The following SHROOM4 variants were observed in gnomAD, a reference collection of about 807,000 sequenced individuals.
SHROOM4 encodes the protein shroom family member 4, also known as protein Shroom4.
In SHROOM4, 17 loss-of-function variants were observed where a neutral mutation model predicts 80.3. The observed-to-expected ratio is 0.21, with a 90% CI of 0.14 to 0.32. The LOEUF is 0.32. Ranked by LOEUF, SHROOM4 falls within the 10% of genes least tolerant of loss-of-function variation. The pLI is 1.00. For missense variants in SHROOM4, 993 were observed against 1,140.3 expected (o/e 0.87, Z 1.86); for synonymous variants, 400 against 437.5 (o/e 0.91, Z 1.07).
chrX:50,766,842 A>T (rs971652034), intron 1 of SHROOM4, among the ~76,000 whole-genome samples: 27 of 112,111 alleles, frequency 2.4e-4, no homozygotes, highest in Admixed American at 2.0e-3. Context: ...TGACTATCCA[A>T]AATATAGAGA....
chrX:50,798,131 G>C (rs1327039630), intron 1 of SHROOM4, among the ~76,000 whole-genome samples: 1 of 110,746 alleles, frequency 9.0e-6, no homozygotes, highest in Non-Finnish European at 1.9e-5. Flanking sequence ...TAGGGGCCGA[G>C]AGGGTCAAGT....
In SHROOM4 at chrX:50,813,917, C is replaced by G; in HGVS notation, c.102G>C (p.Pro34=). Residue 34 remains proline, a synonymous_variant, in exon 1 of 9, where the codon CCG becomes CCC. Coordinates refer to ENST00000376020, the MANE Select transcript of SHROOM4 (RefSeq NM_020717.5). ...CAGTTCTTACCTTAGACACTGTGAG[C>G]GGCTCACAGTGTTCCAGACCCCCCT... ...TLKGGLEHCE[P]LTVSKIEDGG... 1 of 1,196,419 alleles carries G rather than the reference C, an allele frequency of 8.4e-7. No homozygotes were observed. Among genetic ancestry groups the G allele is most frequent in the Non-Finnish European group, 1.1e-6 (1 of 883,075 alleles).
At chrX:50,743,262 A>T (rs975466825) in intron 1 of SHROOM4, among the ~76,000 whole-genome samples, 3 of 109,808 alleles carry the variant, frequency 2.7e-5, no homozygotes, top group Non-Finnish European at 5.7e-5. Context: ...ATGGTATTAG[A>T]ATCCAAGTTC....
intron 2 of SHROOM4, among the ~76,000 whole-genome samples, chrX:50,646,522 G>T (rs1168534629): frequency 1.1e-5 from 1 of 94,738 alleles, no homozygotes; most frequent in Non-Finnish European, 2.1e-5. Context: ...AACCAAGGGG[G>T]GAAGAGTGTG....
At chrX:50,749,671 C>T (rs1486439213) in intron 1 of SHROOM4, among the ~76,000 whole-genome samples, 11 of 111,462 alleles carry the variant, frequency 9.9e-5, no homozygotes, top group Admixed American at 3.8e-4. Context: ...GCAAAGGGTA[C>T]AACATGTGCA....
intron 1 of SHROOM4, among the ~76,000 whole-genome samples, chrX:50,793,708 T>A (rs1935900785): frequency 9.3e-6 from 1 of 107,818 alleles, no homozygotes; most frequent in Non-Finnish European, 1.9e-5. Flanking sequence ...CAGTAACTAG[T>A]ATCACCCTTC....
In SHROOM4 at chrX:50,634,216, T is replaced by C. The variant is rs782777493; in HGVS notation, c.1857A>G (p.Pro619=). 13 of 1,209,883 alleles carry C rather than the reference T, an allele frequency of 1.1e-5. No individual in the cohort carries two copies. The Admixed American group carries it at 2.6e-4, about 24-fold the overall frequency. ...PLSQLCDTKE[P]VEETQEPPES... ...CTGGGGGCTCCTGGGTCTCTTCCACTGGCTCCTTAGTGTCACACAGCTGTG... is the reference window on the plus strand; with the variant it reads ...CTGGGGGCTCCTGGGTCTCTTCCACCGGCTCCTTAGTGTCACACAGCTGTG... The change falls in exon 4 of 9, where the codon CCA becomes CCG. Residue 619 remains proline, a synonymous_variant. Transcript: ENST00000376020.
At chrX:50,651,565 G>A (rs1557258783) in intron 2 of SHROOM4, among the ~76,000 whole-genome samples, 1 of 111,660 alleles carries the variant, frequency 9.0e-6, no homozygotes, top group African/African-American at 3.3e-5. Flanking sequence ...CTCTGGGGGT[G>A]GGGCCCAGCA....
At chrX:50,812,581 C>T (rs1557273544) in intron 1 of SHROOM4, among the ~76,000 whole-genome samples, 2 of 110,875 alleles carry the variant, frequency 1.8e-5, no homozygotes, top group African/African-American at 6.6e-5. Context: ...CATGGCAACA[C>T]TCCAGGGTTG....
chrX:50,799,530 C>A (rs974073471), intron 1 of SHROOM4, among the ~76,000 whole-genome samples: 2 of 111,434 alleles, frequency 1.8e-5, no homozygotes, highest in South Asian at 7.7e-4. Context: ...TTTGGCCCTT[C>A]TCAGCATTCT....
At chrX:50,635,948 C>T (rs1337158827) in intron 3 of SHROOM4, among the ~76,000 whole-genome samples, 2 of 111,044 alleles carry the variant, frequency 1.8e-5, no homozygotes, top group East Asian at 5.7e-4. Flanking sequence ...ATTTCCCTGA[C>T]ATTAGCAAGT....
chrX:50,669,471 AT>A (rs200223588), intron 2 of SHROOM4, among the ~76,000 whole-genome samples: 6 of 106,957 alleles, frequency 5.6e-5, no homozygotes, highest in African/African-American at 1.0e-4. Context: ...ACCCAACTAA[AT>A]TTTTTTTTTG....
At chrX:50,639,197 G>T (rs1216803124) in intron 2 of SHROOM4, among the ~76,000 whole-genome samples, 1 of 112,173 alleles carries the variant, frequency 8.9e-6, no homozygotes, top group Admixed American at 9.4e-5. Context: ...CCACCCTTGC[G>T]AGTGGGGAAG....
chrX:50,635,441 G>A lies in SHROOM4; in HGVS notation c.632C>T (p.Pro211Leu). The A allele has an allele frequency of 1.7e-6, 2 of 1,207,339 alleles. No homozygotes were observed. Among genetic ancestry groups the A allele is most frequent in the Non-Finnish European group, 2.2e-6 (2 of 893,244 alleles). ...DCALSLRPEE[P>L]ASTDCIMQGP... ...TTGCATGATGCAGTCTGTAGAGGCT[G>A]GCTCCTCTGGCCTGAGGGAAAGGGC... is the stretch of plus-strand genomic sequence containing the variant. The change falls in exon 4 of 9, where the codon CCA (proline) becomes CTA (leucine). Residue 211 changes from proline (P) to leucine (L), a missense_variant. Transcript: ENST00000376020.
At chrX:50,734,155 A>T (rs1934428300) in intron 1 of SHROOM4, among the ~76,000 whole-genome samples, 4 of 112,149 alleles carry the variant, frequency 3.6e-5, no homozygotes, top group Non-Finnish European at 7.5e-5. Context: ...CTACATTCAT[A>T]AATTCAAAGA....
intron 1 of SHROOM4, among the ~76,000 whole-genome samples, chrX:50,749,268 T>C (rs1411415058): frequency 9.0e-6 from 1 of 111,693 alleles, no homozygotes; most frequent in African/African-American, 3.3e-5. Context: ...TTATAAAATA[T>C]GATACCAAAT....
At chrX:50,673,123 T>C (rs138723396) in intron 2 of SHROOM4, among the ~76,000 whole-genome samples, 2,576 of 111,862 alleles carry the variant, frequency 0.023, 82 homozygotes, top group African/African-American at 0.078. Context: ...AAAATATGTA[T>C]GTATGTATAT....
In SHROOM4 at chrX:50,598,248, C is replaced by G. The variant is rs1929214231; in HGVS notation, c.4212+18G>C. ...ATGGTATTTCCCTCTACCCACACCC[C>G]ACAGACCCCAACTCTACCTTCTCCT... On this transcript the variant is annotated intron_variant, in intron 8 of 8. Coordinates refer to ENST00000376020, the MANE Select transcript of SHROOM4 (RefSeq NM_020717.5). The G allele has an allele frequency of 8.3e-7, 1 of 1,208,798 alleles. No individual in the cohort carries two copies. Among genetic ancestry groups the G allele is most frequent in the African/African-American group, 1.8e-5 (1 of 56,884 alleles).
chrX:50,794,920 ATG>A (rs1323394874), intron 1 of SHROOM4, among the ~76,000 whole-genome samples: 1 of 98,459 alleles, frequency 1.0e-5, no homozygotes, highest in East Asian at 3.0e-4. Context: ...ATATATATAT[ATG>A]TGTATGTGTC....
Sources: gnomAD v4.1 joint callset for allele counts (sites outside exome capture counted in the v4.1 genomes callset) on GRCh38, gnomAD v4.1.1 for gene constraint, MANE v1.5 for transcripts, NCBI Gene and HGNC (gene_info 2026-07-23, HGNC 2026-07-21) for gene names.